POLN: variants seen among roughly 807,000 people sequenced by gnomAD.
POLN encodes the protein DNA polymerase N.
Under a neutral mutation model 113.5 loss-of-function variants are expected in POLN, and 108 were observed. The ratio of observed to expected loss-of-function variants is 0.95; its 90% confidence interval spans 0.81 to 1.12. The LOEUF (loss-of-function observed/expected upper bound fraction) is 1.12. Ranked by LOEUF, POLN falls within the 50% of genes most tolerant of loss-of-function variation. The pLI, the probability that POLN is intolerant of heterozygous loss-of-function variation, is 0.00. For missense variants in POLN, 1,097 were observed against 1,077.1 expected (o/e 1.02, Z -0.26); for synonymous variants, 386 against 391.5 (o/e 0.99, Z 0.17).
intron 16 of POLN, among the ~76,000 whole-genome samples, chr4:2,149,642 C>T (rs1561041878): frequency 6.6e-6 from 1 of 152,090 alleles, no homozygotes; most frequent in Non-Finnish European, 1.5e-5. Flanking sequence ...AGAAGTTAGC[C>T]AGGCACAGTG....
intron 9 of POLN, 123 bp from the exon 10 acceptor site, chr4:2,174,874 G>A: frequency 1.5e-6 from 1 of 647,590 alleles, no homozygotes; most frequent in South Asian, 1.9e-5. Context: ...CCAGGTTGGA[G>A]TGCAGTGGCG....
chr4:2,129,277 C>T, intron 17 of POLN, 21 bp from the exon 18 acceptor site: 1 of 1,523,952 alleles, frequency 6.6e-7, no homozygotes. Context: ...ATTTCAAGAG[C>T]ATTTAGTGAA....
intron 23 of POLN, chr4:2,079,186 C>T (rs1446532428): frequency 1.1e-5 from 2 of 185,688 alleles, no homozygotes; most frequent in African/African-American, 4.8e-5. Flanking sequence ...CCCGACTCGG[C>T]CTCCCAAATG....
At chr4:2,075,621 TGAGGCGGGGGCTCAGGGGTGCATGCA>T in intron 23 of POLN, 102 bp from the exon 24 acceptor site, 1 of 1,271,616 alleles carries the variant, frequency 7.9e-7, no homozygotes, top group East Asian at 2.3e-5. Context: ...GCCAGGACTG[TGAGGCGGGGGCTCAGGGGTGCATGCA>T]GAGGTGGGGG....
chr4:2,155,536 T>G (rs1291348708), intron 16 of POLN, among the ~76,000 whole-genome samples: 1 of 152,152 alleles, frequency 6.6e-6, no homozygotes, highest in African/African-American at 2.4e-5. Flanking sequence ...TGCAAATGCC[T>G]GGGTGAAGGC....
rs191606893 is a variant in POLN at position 2,180,815 on chromosome 4, C to T, written c.1022-1350G>A. ...CTTGCAACTGACAAACTGAAGCCTGCCAGGACAAATCCCACACTAGGGAGA... is the reference window on the plus strand; with the variant it reads ...CTTGCAACTGACAAACTGAAGCCTGTCAGGACAAATCCCACACTAGGGAGA... On this transcript the variant is annotated intron_variant, in intron 7 of 25. Coordinates refer to ENST00000511885, the MANE Select transcript of POLN (RefSeq NM_181808.4). Among the ~76,000 whole-genome samples the T allele has an allele frequency of 3.9e-5, 6 of 152,152 alleles. No homozygotes were observed. The East Asian group carries it at 1.2e-3, about 29-fold the overall frequency.
chr4:2,143,306 G>A (rs968476942), intron 16 of POLN, among the ~76,000 whole-genome samples: 4 of 152,068 alleles, frequency 2.6e-5, no homozygotes, highest in African/African-American at 9.7e-5. Context: ...ACTCTCAGTA[G>A]ATTGACAAAG....
At chr4:2,120,874 C>T (rs565946956) in intron 19 of POLN, among the ~76,000 whole-genome samples, 1 of 152,204 alleles carries the variant, frequency 6.6e-6, no homozygotes, top group African/African-American at 2.4e-5. Context: ...ATAAATGTGA[C>T]CAATTTTTGT....
rs115826406 is a variant in POLN at position 2,174,361 on chromosome 4, G to A, written c.1309+330C>T. ...AGAGAGCCCTGCATCAGTTCTTGCA[G>A]GAAGGTTCTCAAGGTTATAAGGACA... On this transcript the variant is annotated intron_variant, in intron 10 of 25. Transcript: ENST00000511885. 4.2e-3 allele frequency among the ~76,000 whole-genome samples: 644 copies of A among 152,346 alleles called. 6 individuals carry two copies. Among genetic ancestry groups the A allele is most frequent in the African/African-American group, 0.015 (621 of 41,580 alleles).
chr4:2,201,355 A>C (rs568723081), intron 5 of POLN, among the ~76,000 whole-genome samples: 1 of 151,342 alleles, frequency 6.6e-6, no homozygotes, highest in African/African-American at 2.4e-5. Context: ...TATAAAAAAA[A>C]ATCAAAACTT....
chr4:2,192,215 C>G (rs965187983), intron 7 of POLN, among the ~76,000 whole-genome samples: 1 of 151,292 alleles, frequency 6.6e-6, no homozygotes, highest in African/African-American at 2.4e-5. Flanking sequence ...ATAAAAAGGG[C>G]TTTTTCCAAC....
At position 2,238,135 on chromosome 4, in the gene POLN, T is replaced by C. The variant is rs563808432; in HGVS notation, c.-13+3385A>G. 2.6e-5 allele frequency among the ~76,000 whole-genome samples: 4 copies of C among 152,304 alleles called. No homozygotes were observed. The South Asian group carries it at 8.3e-4, about 32-fold the overall frequency. On this transcript the variant is annotated intron_variant, in intron 2 of 25. Transcript: ENST00000511885. Reference sequence around the variant, plus strand: ...TTTTCAGTATCCCTCTGCCATCAATTGCTCAGACATCCAGATGAAGCCTGG... The same window carrying C: ...TTTTCAGTATCCCTCTGCCATCAATCGCTCAGACATCCAGATGAAGCCTGG...
intron 20 of POLN, chr4:2,090,413 A>AC: frequency 1.6e-6 from 1 of 617,070 alleles, no homozygotes; most frequent in South Asian, 2.2e-5. Context: ...TGATGGTTCG[A>AC]AACATAATTG....
chr4:2,201,118 T>G (rs950294712), intron 5 of POLN, among the ~76,000 whole-genome samples: 1 of 150,950 alleles, frequency 6.6e-6, no homozygotes, highest in Non-Finnish European at 1.5e-5. Context: ...ATACAAAAAA[T>G]TAGCCGGGCG....
intron 23 of POLN, among the ~76,000 whole-genome samples, chr4:2,076,169 T>C (rs1730269635): frequency 1.3e-5 from 2 of 152,054 alleles, no homozygotes; most frequent in Admixed American, 6.5e-5. Context: ...TCAGGGGAAA[T>C]GCACTGCCAG....
At chr4:2,225,765 CTGA>C (rs1053048010) in intron 3 of POLN, among the ~76,000 whole-genome samples, 23 of 152,014 alleles carry the variant, frequency 1.5e-4, no homozygotes, top group African/African-American at 5.3e-4. Context: ...CTTTCAGAGG[CTGA>C]GGCAGGAGAA....
At position 2,210,979 on chromosome 4, in the gene POLN, G is replaced by A. The variant is rs147022685; in HGVS notation, c.213+2068C>T. 8.4e-3 allele frequency among the ~76,000 whole-genome samples: 1,255 copies of A among 150,026 alleles called. 23 individuals carry two copies. Among genetic ancestry groups the A allele is most frequent in the African/African-American group, 0.029 (1,194 of 41,008 alleles). On this transcript the variant is annotated intron_variant, in intron 4 of 25. Transcript: ENST00000511885. ...TAAATAAATAAAATAGTCCAGGCAC[G>A]GTGGCTCATGCCTTTAATCCCAACA...
chr4:2,202,859 A>G (rs1733751966), intron 5 of POLN, among the ~76,000 whole-genome samples: 1 of 152,178 alleles, frequency 6.6e-6, no homozygotes, highest in South Asian at 2.1e-4. Flanking sequence ...AAAACAATTA[A>G]TAGACCTAAG....
intron 21 of POLN, among the ~76,000 whole-genome samples, chr4:2,083,394 C>A (rs1730475700): frequency 6.6e-6 from 1 of 152,212 alleles, no homozygotes; most frequent in Admixed American, 6.5e-5. Context: ...TGCCTCTTTT[C>A]TCTCAGAAAC....
Sources: allele counts gnomAD v4.1 joint callset (sites outside exome capture counted in the v4.1 genomes callset), GRCh38; gene constraint gnomAD v4.1.1; transcripts MANE v1.5; gene names NCBI Gene and HGNC (gene_info 2026-07-23, HGNC 2026-07-21).